SDC2: variants seen among roughly 807,000 people sequenced by gnomAD.
The protein encoded by SDC2 is syndecan-2.
SDC2 carries 13 observed loss-of-function variants against 22.2 expected under a neutral mutation model. The observed-to-expected ratio is 0.59, with a 90% CI of 0.38 to 0.93. The LOEUF (loss-of-function observed/expected upper bound fraction) is 0.93. SDC2 is among the 40% of genes least tolerant of loss of function. The pLI is 0.00. For missense variants in SDC2, 235 were observed against 246.8 expected (o/e 0.95, Z 0.32); for synonymous variants, 94 against 92.8 (o/e 1.01, Z -0.07).
rs189517326 is a variant in SDC2 at position 96,558,194 on chromosome 8, G to C, written c.61-35286G>C. ...AGACATGCTGCTTTTCTGGTGAGTGGATATAGGGTGAGAGGAAAGGAGCTG... is the reference window on the plus strand; with the variant it reads ...AGACATGCTGCTTTTCTGGTGAGTGCATATAGGGTGAGAGGAAAGGAGCTG... On this transcript the variant is annotated intron_variant, in intron 1 of 4. Transcript: ENST00000302190. Among the ~76,000 whole-genome samples the C allele has an allele frequency of 2.6e-5, 4 of 152,210 alleles. No individual in the cohort carries two copies. In the East Asian group the frequency reaches 7.7e-4, roughly 29 times the overall value.
intron 2 of SDC2, among the ~76,000 whole-genome samples, chr8:96,596,478 CA>C (rs982205897): frequency 6.6e-6 from 1 of 152,194 alleles, no homozygotes; most frequent in African/African-American, 2.4e-5. Context: ...TGAAACCCTT[CA>C]TAAGCATTTG....
At chr8:96,528,697 C>T (rs1813616224) in intron 1 of SDC2, among the ~76,000 whole-genome samples, 1 of 151,792 alleles carries the variant, frequency 6.6e-6, no homozygotes, top group African/African-American at 2.4e-5. Context: ...TTGGGCTGTC[C>T]AAAATTATAA....
intron 1 of SDC2, among the ~76,000 whole-genome samples, chr8:96,549,292 C>A (rs141949477): frequency 1.4e-3 from 214 of 152,288 alleles, no homozygotes; most frequent in African/African-American, 4.8e-3. Flanking sequence ...CTAATAAAAT[C>A]TTTTTTTCTT....
At chr8:96,524,862 A>G (rs1461140649) in intron 1 of SDC2, among the ~76,000 whole-genome samples, 1 of 151,936 alleles carries the variant, frequency 6.6e-6, no homozygotes, top group Non-Finnish European at 1.5e-5. Flanking sequence ...GGTGGTTCCT[A>G]TTTATATTTT....
chr8:96,598,080 AG>A (rs1814910995), intron 2 of SDC2, among the ~76,000 whole-genome samples: 1 of 152,128 alleles, frequency 6.6e-6, no homozygotes, highest in Non-Finnish European at 1.5e-5. Context: ...GTGTCTGGTG[AG>A]GGCTTTCTGA....
chr8:96,513,616 T>G (rs1250596075), intron 1 of SDC2, among the ~76,000 whole-genome samples: 1 of 152,218 alleles, frequency 6.6e-6, no homozygotes, highest in East Asian at 1.9e-4. Context: ...ATTGGAAATT[T>G]TAAAAACGAC....
intron 1 of SDC2, among the ~76,000 whole-genome samples, chr8:96,540,356 A>ATATATATATATATATAT (rs1259795996): frequency 6.8e-6 from 1 of 146,698 alleles, no homozygotes; most frequent in African/African-American, 2.5e-5. Context: ...ATATATATAT[A>ATATATATATATATATAT]AAAATTAGTC....
intron 1 of SDC2, among the ~76,000 whole-genome samples, chr8:96,570,171 C>T (rs908446907): frequency 5.9e-5 from 9 of 152,190 alleles, no homozygotes; most frequent in African/African-American, 1.2e-4. Flanking sequence ...AGAGAGATCC[C>T]GCAGCTGGTA....
chr8:96,502,176 A>C (rs888663158), intron 1 of SDC2, among the ~76,000 whole-genome samples: 1 of 152,202 alleles, frequency 6.6e-6, no homozygotes, highest in Non-Finnish European at 1.5e-5. Context: ...GGAGAAGCAA[A>C]GGCACGTCCT....
intron 1 of SDC2, among the ~76,000 whole-genome samples, chr8:96,583,514 C>T (rs1024989025): frequency 3.3e-5 from 5 of 150,014 alleles, no homozygotes; most frequent in African/African-American, 9.8e-5. Flanking sequence ...TATGACTTAT[C>T]GGTCTTGTGC....
At chr8:96,561,822 T>C (rs1814214926) in intron 1 of SDC2, among the ~76,000 whole-genome samples, 1 of 152,200 alleles carries the variant, frequency 6.6e-6, no homozygotes. Flanking sequence ...AATGGCTGGA[T>C]GGTCCTATCA....
At chr8:96,536,864 G>C (rs1428381437) in intron 1 of SDC2, among the ~76,000 whole-genome samples, 1 of 152,202 alleles carries the variant, frequency 6.6e-6, no homozygotes, top group East Asian at 1.9e-4. Context: ...TCAGTCTGCT[G>C]TTGGCCAGAA....
At chr8:96,531,599 AAAGT>A (rs1264229934) in intron 1 of SDC2, among the ~76,000 whole-genome samples, 1 of 152,240 alleles carries the variant, frequency 6.6e-6, no homozygotes, top group Non-Finnish European at 1.5e-5. Context: ...AAAAGAGAGA[AAAGT>A]AAGATGGAAA....
At chr8:96,507,378 C>T (rs979038478) in intron 1 of SDC2, among the ~76,000 whole-genome samples, 10 of 152,170 alleles carry the variant, frequency 6.6e-5, no homozygotes, top group African/African-American at 2.4e-4. Context: ...ATACATTTTA[C>T]GTTATACATT....
At chr8:96,508,488 A>AG (rs1375884495) in intron 1 of SDC2, among the ~76,000 whole-genome samples, 28 of 96,032 alleles carry the variant, frequency 2.9e-4, no homozygotes, top group Non-Finnish European at 3.9e-4. Flanking sequence ...GCAAGACTCC[A>AG]TCTCAAAAAA....
chr8:96,579,423 C>T (rs1454850594), intron 1 of SDC2, among the ~76,000 whole-genome samples: 2 of 152,126 alleles, frequency 1.3e-5, no homozygotes, highest in South Asian at 2.1e-4. Context: ...AGAGGCCTAG[C>T]GTGAAAAGGC....
At chr8:96,536,141 C>CT (rs112043989) in intron 1 of SDC2, among the ~76,000 whole-genome samples, 19,039 of 142,416 alleles carry the variant, frequency 0.13, 1,426 homozygotes, top group Middle Eastern at 0.21. Context: ...CCTAGCTTTT[C>CT]TTTTTTTTTT....
At chr8:96,519,584 A>G (rs1813462164) in intron 1 of SDC2, among the ~76,000 whole-genome samples, 1 of 152,138 alleles carries the variant, frequency 6.6e-6, no homozygotes. Context: ...GGGGGGAAAA[A>G]TCCTAAATTT....
At chr8:96,496,175 A>C (rs1395219836) in intron 1 of SDC2, among the ~76,000 whole-genome samples, 4 of 152,144 alleles carry the variant, frequency 2.6e-5, no homozygotes, top group Non-Finnish European at 5.9e-5. Context: ...CTGGAGAAAG[A>C]ATGTTTCTGT....
Sources: allele counts gnomAD v4.1 joint callset (sites outside exome capture counted in the v4.1 genomes callset), GRCh38; gene constraint gnomAD v4.1.1; transcripts MANE v1.5; gene names NCBI Gene and HGNC (gene_info 2026-07-23, HGNC 2026-07-21).